Variants in WASHC3 observed in about 807,000 individuals in gnomAD.
The protein encoded by WASHC3 is WASH complex subunit 3.
WASHC3 carries 24 observed loss-of-function variants against 26.1 expected under a neutral mutation model. The ratio of observed to expected loss-of-function variants is 0.92; its 90% CI spans 0.66 to 1.29. The LOEUF (loss-of-function observed/expected upper bound fraction) is 1.29, where lower values mean the gene tolerates loss of function less well. Ranked by LOEUF, WASHC3 falls within the 50% of genes most tolerant of loss-of-function variation. The pLI, the probability that WASHC3 is intolerant of heterozygous loss-of-function variation, is 0.00. For missense variants in WASHC3, 214 were observed against 229.6 expected, an observed-to-expected ratio of 0.93 and a Z score of 0.44; for synonymous variants, 77 against 75.7, an observed-to-expected ratio of 1.02 and a Z score of -0.09.
Position 102,048,592 on chromosome 12 carries a change from A to G in WASHC3, c.151-2473T>C, listed in dbSNP as rs578171312. 1.4e-4 allele frequency among the ~76,000 whole-genome samples: 21 copies of G among 152,140 alleles called. No homozygotes were observed. The East Asian group carries it at 4.1e-3, about 29-fold the overall frequency. ...AGAAAAAAAAAAGAAAAAGAAAAAA[A>G]ATCACAGTGGTTTTAGGATCTAAGA... On this transcript the variant is annotated intron_variant, in intron 2 of 6. Transcript: ENST00000240079.
intron 6 of WASHC3, among the ~76,000 whole-genome samples, chr12:102,025,095 T>G (rs1877119086): frequency 6.6e-6 from 1 of 152,202 alleles, no homozygotes; most frequent in Non-Finnish European, 1.5e-5. Flanking sequence ...TCATAATGTT[T>G]TACCTCCAAA....
chr12:102,016,964 T>C (rs1876733450), intron 6 of WASHC3, among the ~76,000 whole-genome samples: 1 of 152,238 alleles, frequency 6.6e-6, no homozygotes, highest in Non-Finnish European at 1.5e-5. Context: ...ACAGTGTTTA[T>C]GAAATTTACA....
chr12:102,049,879 G>A (rs979898412), intron 2 of WASHC3, among the ~76,000 whole-genome samples: 3 of 152,102 alleles, frequency 2.0e-5, no homozygotes, highest in African/African-American at 7.2e-5. Flanking sequence ...CCAATGGCAG[G>A]CTAAAAAAAT....
At chr12:102,041,291 T>C (rs764161176) in intron 4 of WASHC3, among the ~76,000 whole-genome samples, 2 of 151,998 alleles carry the variant, frequency 1.3e-5, no homozygotes, top group Non-Finnish European at 2.9e-5. Context: ...TGGCCAGATA[T>C]CAATTCTCAG....
chr12:102,061,379 A>G, intron 1 of WASHC3, 33 bp from the exon 2 acceptor site: 1 of 1,381,580 alleles, frequency 7.2e-7, no homozygotes, highest in Non-Finnish European at 1.0e-6. Flanking sequence ...TGGTTCATAC[A>G]GGAGGAACGT....
Position 102,028,300 on chromosome 12 carries a change from T to C in WASHC3, c.436-2262A>G, listed in dbSNP as rs542750361. Among the ~76,000 whole-genome samples, 87 of 152,144 alleles carry C rather than the reference T, an allele frequency of 5.7e-4. 1 individual carries two copies. Among genetic ancestry groups the C allele is most frequent in the Non-Finnish European group, 8.4e-4 (57 of 67,990 alleles). On this transcript the variant is annotated intron_variant, in intron 5 of 6. Coordinates refer to ENST00000240079, the MANE Select transcript of WASHC3 (RefSeq NM_016053.4). ...GAATGACACAGCTGGGAATTTAACT[T>C]GATAATTAAATCTCATTCAATTATT...
chr12:102,050,716 G>A (rs1370112189), intron 2 of WASHC3: 2 of 389,548 alleles, frequency 5.1e-6, no homozygotes, highest in Non-Finnish European at 1.0e-5. Flanking sequence ...TGGCACTCCT[G>A]TTTATAAAGT....
intron 6 of WASHC3, among the ~76,000 whole-genome samples, chr12:102,018,046 G>A (rs530004688): frequency 9.9e-5 from 15 of 152,236 alleles, no homozygotes; most frequent in African/African-American, 3.6e-4. Context: ...CCTCATACAA[G>A]TGGAATCATA....
intron 2 of WASHC3, among the ~76,000 whole-genome samples, chr12:102,060,956 C>CAAAAA (rs56001519): frequency 0.017 from 933 of 55,610 alleles, 53 homozygotes; most frequent in African/African-American, 0.021. Context: ...CCCTGTCTCA[C>CAAAAA]AAAAAAAAAA....
In WASHC3 at chr12:102,044,018, C is replaced by T. The variant is rs561428463; in HGVS notation, c.324+87G>A. ...TAAAATTTTACTATTAGAAGTTTTA[C>T]ATGTTTATTTTTCTTCCTTCCAACC... On this transcript the variant is annotated intron_variant, in intron 4 of 6. Coordinates refer to ENST00000240079, the MANE Select transcript of WASHC3 (RefSeq NM_016053.4). 4.7e-5 allele frequency: 26 copies of T among 557,224 alleles called. No homozygotes were observed. In the African/African-American group the frequency reaches 4.7e-4, roughly 10 times the overall value. 34.5% of individuals were successfully genotyped at this position (557,224 alleles called of 1,614,324 possible).
At chr12:102,030,742 T>A (rs1283849612) in intron 5 of WASHC3, among the ~76,000 whole-genome samples, 1 of 152,162 alleles carries the variant, frequency 6.6e-6, no homozygotes, top group Non-Finnish European at 1.5e-5. Flanking sequence ...AATAAATAGA[T>A]GAGAATTGAG....
intron 2 of WASHC3, among the ~76,000 whole-genome samples, chr12:102,055,899 C>T (rs1878574808): frequency 6.6e-6 from 1 of 152,164 alleles, no homozygotes. Flanking sequence ...TTTCTATCAA[C>T]CAGCCCCAGT....
At chr12:102,036,805 T>A (rs1431795676) in intron 5 of WASHC3, among the ~76,000 whole-genome samples, 1 of 151,928 alleles carries the variant, frequency 6.6e-6, no homozygotes, top group Admixed American at 6.6e-5. Context: ...ACAGAAAAAT[T>A]TGTCTTAAAT....
At chr12:102,030,304 A>G (rs1348796856) in intron 5 of WASHC3, among the ~76,000 whole-genome samples, 1 of 151,716 alleles carries the variant, frequency 6.6e-6, no homozygotes, top group African/African-American at 2.4e-5. Context: ...TCAAAAAAAA[A>G]AAAAAAAAAT....
intron 6 of WASHC3, among the ~76,000 whole-genome samples, chr12:102,024,746 GA>G (rs1326105950): frequency 6.6e-6 from 1 of 152,164 alleles, no homozygotes; most frequent in South Asian, 2.1e-4. Context: ...TGTATTTCCA[GA>G]AGCAAAAGGA....
In WASHC3 at chr12:102,056,599, A is replaced by C. The variant is rs529416438; in HGVS notation, c.150+4649T>G. ...TCCAATAAACATGACTTTACAATTA[A>C]AACAAAAGAAATATGAAGGCTCATA... On this transcript the variant is annotated intron_variant, in intron 2 of 6. Coordinates refer to ENST00000240079, the MANE Select transcript of WASHC3 (RefSeq NM_016053.4). Among the ~76,000 whole-genome samples the C allele has an allele frequency of 2.0e-5, 3 of 152,304 alleles. No individual in the cohort carries two copies. The South Asian group carries it at 6.2e-4, about 32-fold the overall frequency.
intron 5 of WASHC3, among the ~76,000 whole-genome samples, chr12:102,034,036 T>C (rs943122399): frequency 1.3e-5 from 2 of 152,080 alleles, no homozygotes; most frequent in African/African-American, 4.8e-5. Context: ...ATCTAAAATC[T>C]TGTTGGGAAA....
chr12:102,057,252 A>G (rs1878627577), intron 2 of WASHC3, among the ~76,000 whole-genome samples: 1 of 152,154 alleles, frequency 6.6e-6, no homozygotes, highest in South Asian at 2.1e-4. Context: ...AATTAGGTAT[A>G]GAAAGAATCT....
intron 2 of WASHC3, among the ~76,000 whole-genome samples, chr12:102,053,632 G>A (rs1378943395): frequency 6.6e-6 from 1 of 152,130 alleles, no homozygotes; most frequent in East Asian, 1.9e-4. Flanking sequence ...CAAAATTATT[G>A]TTTTAGGGAA....
Sources: gnomAD v4.1 joint callset for allele counts (sites outside exome capture counted in the v4.1 genomes callset) on GRCh38, gnomAD v4.1.1 for gene constraint, MANE v1.5 for transcripts, NCBI Gene and HGNC (gene_info 2026-07-23, HGNC 2026-07-21) for gene names.